The following SMURF2 variants were observed in gnomAD, a reference collection of about 807,000 sequenced individuals.
The protein encoded by SMURF2 is SMAD specific E3 ubiquitin protein ligase 2.
SMURF2 carries 48 observed loss-of-function variants against 109.6 expected under a neutral mutation model. The ratio of observed to expected loss-of-function variants is 0.44; its 90% CI spans 0.35 to 0.56. The LOEUF (loss-of-function observed/expected upper bound fraction) is 0.56, where lower values mean the gene tolerates loss of function less well. Ranked by LOEUF, SMURF2 falls within the 20% of genes least tolerant of loss-of-function variation. The pLI, the probability that SMURF2 is intolerant of heterozygous loss-of-function variation, is 0.01. For synonymous variants in SMURF2, 288 were observed against 317.1 expected (o/e 0.91, Z 0.97); for missense variants, 575 against 909.0 (o/e 0.63, Z 4.72).
At chr17:64,640,660 C>T (rs1024420271) in intron 1 of SMURF2, among the ~76,000 whole-genome samples, 11 of 152,064 alleles carry the variant, frequency 7.2e-5, no homozygotes, top group African/African-American at 2.7e-4. Flanking sequence ...GTGGCTCACA[C>T]CTATAATCCC....
chr17:64,626,641 T>TA (rs1970272320), intron 1 of SMURF2, among the ~76,000 whole-genome samples: 1 of 151,986 alleles, frequency 6.6e-6, no homozygotes, highest in Non-Finnish European at 1.5e-5. Context: ...CAGGCACCTG[T>TA]AGTCCCAGAT....
In SMURF2 at chr17:64,545,611, T is replaced by C. The variant is rs1968937342; in HGVS notation, c.*237A>G. The C allele has an allele frequency of 6.1e-6, 2 of 329,070 alleles. No individual in the cohort carries two copies. The allele number at this position is 329,070 out of a possible 1,614,324, so 20.4% of individuals were successfully genotyped here. On this transcript the variant is annotated 3_prime_UTR_variant, in exon 19 of 19. Coordinates refer to ENST00000262435, the MANE Select transcript of SMURF2 (RefSeq NM_022739.4). ...CATTCTTTAGGTTCAAGATATTAAG[T>C]TTAAATAGCAGCTGAATGTGGCCTC... is the stretch of plus-strand genomic sequence containing the variant.
At chr17:64,626,065 G>T (rs1187643015) in intron 1 of SMURF2, among the ~76,000 whole-genome samples, 1 of 151,902 alleles carries the variant, frequency 6.6e-6, no homozygotes, top group Non-Finnish European at 1.5e-5. Flanking sequence ...CTTGAGGTCA[G>T]GAGTTCGAGA....
chr17:64,592,234 A>T (rs1969760158), intron 4 of SMURF2, among the ~76,000 whole-genome samples: 1 of 152,222 alleles, frequency 6.6e-6, no homozygotes, highest in Non-Finnish European at 1.5e-5. Context: ...TAGCACATTA[A>T]GTCTTCAATA....
intron 1 of SMURF2, among the ~76,000 whole-genome samples, chr17:64,658,726 G>C (rs1367559804): frequency 6.6e-6 from 1 of 151,918 alleles, no homozygotes; most frequent in East Asian, 1.9e-4. Flanking sequence ...AACAATAATG[G>C]TATAAAAAAT....
chr17:64,645,843 ATTAC>A (rs1217849288), intron 1 of SMURF2, among the ~76,000 whole-genome samples: 2 of 152,128 alleles, frequency 1.3e-5, no homozygotes, highest in African/African-American at 2.4e-5. Context: ...ATTAATGACT[ATTAC>A]TTATTGCTGG....
rs1555684632 is a variant in SMURF2 at position 64,562,724 on chromosome 17, T to A, written c.1212+47A>T. On this transcript the variant is annotated intron_variant, in intron 11 of 18. Transcript: ENST00000262435. ...AAGGTTTGTATTAGCAAGCAATGGGTTTCTGGAAAAAAAAATAGTAAAACA... is the reference window on the plus strand; with the variant it reads ...AAGGTTTGTATTAGCAAGCAATGGGATTCTGGAAAAAAAAATAGTAAAACA... The A allele has an allele frequency of 3.2e-6, 5 of 1,575,970 alleles. No homozygotes were observed. In the South Asian group the frequency reaches 3.4e-5, roughly 11 times the overall value.
intron 1 of SMURF2, among the ~76,000 whole-genome samples, chr17:64,644,746 T>G (rs1970538135): frequency 1.3e-5 from 2 of 151,892 alleles, no homozygotes; most frequent in African/African-American, 4.8e-5. Flanking sequence ...ACTCCAACTC[T>G]ACCAAAAAGA....
At chr17:64,606,406 G>C (rs1201922668) in intron 2 of SMURF2, among the ~76,000 whole-genome samples, 196 bp downstream of exon 2, 1 of 152,044 alleles carries the variant, frequency 6.6e-6, no homozygotes, top group Non-Finnish European at 1.5e-5. Context: ...TGAATAAAAG[G>C]AAAGGGCTAA....
chr17:64,581,108 C>T lies in SMURF2; in HGVS notation c.570-117G>A. 3 of 889,128 alleles carry T rather than the reference C, an allele frequency of 3.4e-6. No homozygotes were observed. The highest frequency in any genetic ancestry group is 5.2e-6 in the Non-Finnish European group (3 of 579,312). The allele number at this position is 889,128 out of a possible 1,614,324, so 55.1% of individuals were successfully genotyped here. On this transcript the variant is annotated intron_variant, in intron 7 of 18. Coordinates refer to ENST00000262435, the MANE Select transcript of SMURF2 (RefSeq NM_022739.4). This position sits in a 1 kb window ranked among gnomAD's most constrained non-coding sequence, Gnocchi z 4.3. ...CTTATCATGTCTGAAAACAGAATGACTAATACAAGTATAATGACTTCAAGA... is the reference window on the plus strand; with the variant it reads ...CTTATCATGTCTGAAAACAGAATGATTAATACAAGTATAATGACTTCAAGA...
intron 8 of SMURF2, among the ~76,000 whole-genome samples, chr17:64,579,601 A>G (rs1387093214): frequency 6.6e-6 from 1 of 152,218 alleles, no homozygotes; most frequent in Non-Finnish European, 1.5e-5. Context: ...TTGCCTTATA[A>G]TCTCAAAGAG....
intron 1 of SMURF2, among the ~76,000 whole-genome samples, chr17:64,616,654 CAAA>C (rs376620328): frequency 1.6e-4 from 14 of 84,888 alleles, no homozygotes; most frequent in African/African-American, 1.3e-4. Flanking sequence ...GACTCTGTCT[CAAA>C]AAAAAAAAAA....
At chr17:64,587,777 G>A (rs1447261932) in intron 5 of SMURF2, among the ~76,000 whole-genome samples, 2 of 152,104 alleles carry the variant, frequency 1.3e-5, no homozygotes, top group Non-Finnish European at 2.9e-5. Context: ...AACTGTACTA[G>A]ACAACTGTAT....
intron 8 of SMURF2, among the ~76,000 whole-genome samples, chr17:64,580,401 A>G (rs1445594390): frequency 1.3e-5 from 2 of 152,228 alleles, no homozygotes; most frequent in Non-Finnish European, 2.9e-5. Flanking sequence ...TTCTAAATAT[A>G]TATGTCTAAA....
intron 3 of SMURF2, chr17:64,594,087 C>A (rs1219667342): frequency 6.5e-6 from 1 of 152,770 alleles, no homozygotes; most frequent in African/African-American, 2.4e-5. Context: ...AGGACTCTTG[C>A]AGATTTCACT....
At chr17:64,598,543 T>C in intron 2 of SMURF2, 53 bp from the exon 3 acceptor site, 1 of 1,412,528 alleles carries the variant, frequency 7.1e-7, no homozygotes, top group African/African-American at 1.4e-5. Flanking sequence ...GATAGAAGAT[T>C]AATTATACAA....
chr17:64,642,687 G>A (rs1970506788), intron 1 of SMURF2, among the ~76,000 whole-genome samples: 1 of 152,142 alleles, frequency 6.6e-6, no homozygotes, highest in African/African-American at 2.4e-5. Context: ...TATCTATTAA[G>A]CACTGTGTGT....
chr17:64,654,534 G>A (rs1970680614), intron 1 of SMURF2, among the ~76,000 whole-genome samples: 2 of 152,098 alleles, frequency 1.3e-5, no homozygotes, highest in African/African-American at 4.8e-5. Context: ...CTGACACCTA[G>A]AAAACCAGCC....
At position 64,662,225 on chromosome 17, in the gene SMURF2, G is replaced by C. The variant is rs937900318; in HGVS notation, c.-345C>G. 1.9e-5 allele frequency: 19 copies of C among 983,364 alleles called. No homozygotes were observed. The African/African-American group carries it at 3.0e-4, about 15-fold the overall frequency. The allele number at this position is 983,364 out of a possible 1,614,324, so 60.9% of individuals were successfully genotyped here. A position where few individuals can be genotyped will look rare whatever the true frequency, so the allele number is the denominator to read the frequency against. On this transcript the variant is annotated 5_prime_UTR_variant, in exon 1 of 19. Transcript: ENST00000262435. ...CGAGGCCCAGTAGCCGACGGGGCTG[G>C]TCGGCTGAAGCGGGCGGTGCTCGGG...
Sources: gnomAD v4.1 joint callset for allele counts (sites outside exome capture counted in the v4.1 genomes callset) on GRCh38, gnomAD v4.1.1 for gene constraint, Gnocchi (gnomAD v3.1) non-coding constraint, MANE v1.5 for transcripts, NCBI Gene and HGNC (gene_info 2026-07-23, HGNC 2026-07-21) for gene names.